Variants in NIPBL observed in about 807,000 individuals in gnomAD.
The protein encoded by NIPBL is NIPBL cohesin loading factor, also known as nipped-B-like protein.
In NIPBL, 19 loss-of-function variants were observed where a neutral mutation model predicts 321.8. The ratio of observed to expected loss-of-function variants is 0.06; its 90% CI spans 0.04 to 0.09. The LOEUF is 0.09. NIPBL is among the 10% of genes least tolerant of loss of function. The pLI, the probability that NIPBL is intolerant of heterozygous loss-of-function variation, is 1.00. For missense variants in NIPBL, 2,210 were observed against 3,327.0 expected (o/e 0.66, Z 8.26); for synonymous variants, 1,106 against 1,114.1 (o/e 0.99, Z 0.14).
chr5:37,053,431 CA>C (rs1753775143), intron 42 of NIPBL, among the ~76,000 whole-genome samples: 1 of 152,082 alleles, frequency 6.6e-6, no homozygotes, highest in Non-Finnish European at 1.5e-5. Context: ...CCAATACATA[CA>C]AACCTATGTT....
At chr5:37,048,774 G>A (rs1753223438) in intron 39 of NIPBL, 99 bp downstream of exon 39, 1 of 1,055,354 alleles carries the variant, frequency 9.5e-7, no homozygotes, top group African/African-American at 1.6e-5. Context: ...TTTGTTAGAT[G>A]AAGAAATTCA....
chr5:36,947,548 T>C (rs751282862), intron 1 of NIPBL, among the ~76,000 whole-genome samples: 1 of 152,078 alleles, frequency 6.6e-6, no homozygotes, highest in Non-Finnish European at 1.5e-5. Flanking sequence ...CTAAAGTGTT[T>C]ATGAATATAC....
At chr5:36,984,613 G>C in intron 9 of NIPBL, 63 bp from the exon 10 acceptor site, 1 of 1,435,942 alleles carries the variant, frequency 7.0e-7, no homozygotes, top group Non-Finnish European at 9.5e-7. Flanking sequence ...ACGTCCATAG[G>C]GTTTTTAATA....
intron 1 of NIPBL, among the ~76,000 whole-genome samples, chr5:36,880,364 G>A (rs1745411505): frequency 1.3e-5 from 2 of 152,018 alleles, no homozygotes; most frequent in Admixed American, 1.3e-4. Context: ...ATAAAAACCA[G>A]GAGTTTGAGT....
At chr5:36,962,389 G>C (rs1741723488) in intron 6 of NIPBL, 115 bp downstream of exon 6, 3 of 1,046,680 alleles carry the variant, frequency 2.9e-6, no homozygotes, top group Admixed American at 3.6e-5. Flanking sequence ...CTGTATACTT[G>C]TCAGTAAACC....
intron 1 of NIPBL, among the ~76,000 whole-genome samples, chr5:36,928,465 T>A (rs1749529110): frequency 6.6e-6 from 1 of 152,204 alleles, no homozygotes; most frequent in Non-Finnish European, 1.5e-5. Context: ...TAAAAAAATT[T>A]CTTAAGGAAA....
chr5:37,016,955 A>T, intron 23 of NIPBL, 64 bp from the exon 24 acceptor site: 2 of 1,129,158 alleles, frequency 1.8e-6, no homozygotes, highest in South Asian at 3.4e-5. Flanking sequence ...AATTTATATG[A>T]TAAATTGCTA....
intron 10 of NIPBL, 160 bp from the exon 11 acceptor site, chr5:36,995,458 CTATA>C (rs1325158760): frequency 1.0e-5 from 6 of 588,984 alleles, no homozygotes; most frequent in Non-Finnish European, 1.8e-5. Flanking sequence ...TATATATTAA[CTATA>C]TTGTCACTTT....
intron 30 of NIPBL, 113 bp downstream of exon 30, chr5:37,024,832 T>C: frequency 1.2e-6 from 1 of 826,352 alleles, no homozygotes; most frequent in Non-Finnish European, 1.9e-6. Flanking sequence ...ATGAATCGTT[T>C]ATAGTTTATA....
intron 1 of NIPBL, among the ~76,000 whole-genome samples, chr5:36,880,874 T>C (rs746966375): frequency 9.2e-5 from 14 of 152,188 alleles, no homozygotes; most frequent in Non-Finnish European, 1.8e-4. Flanking sequence ...GATGAAATAC[T>C]TGACACTTAA....
At chr5:36,893,987 T>G (rs961421961) in intron 1 of NIPBL, among the ~76,000 whole-genome samples, 1 of 152,176 alleles carries the variant, frequency 6.6e-6, no homozygotes, top group Non-Finnish European at 1.5e-5. Flanking sequence ...GTGTCTTATA[T>G]TTTAAAAGTT....
chr5:36,965,814 A>T (rs1742140114), intron 6 of NIPBL, among the ~76,000 whole-genome samples: 1 of 152,158 alleles, frequency 6.6e-6, no homozygotes, highest in East Asian at 1.9e-4. Context: ...ATAATAAAAC[A>T]TAATTTTATT....
chr5:36,897,327 C>T (rs553124737), intron 1 of NIPBL, among the ~76,000 whole-genome samples: 1 of 152,084 alleles, frequency 6.6e-6, no homozygotes, highest in Non-Finnish European at 1.5e-5. Context: ...AATTTTACTT[C>T]CAGATTGTTC....
At chr5:36,986,661 TTACAA>T (rs753176347) in intron 10 of NIPBL, among the ~76,000 whole-genome samples, 4 of 152,312 alleles carry the variant, frequency 2.6e-5, no homozygotes, top group Admixed American at 6.5e-5. Flanking sequence ...TAAAAATGTC[TTACAA>T]TACTACATTC....
chr5:36,986,934 T>C (rs80275082), intron 10 of NIPBL, among the ~76,000 whole-genome samples: 3,380 of 152,256 alleles, frequency 0.022, 126 homozygotes, highest in African/African-American at 0.078. Flanking sequence ...TCTGGTTACT[T>C]GAGTAAAATT....
At chr5:36,909,964 T>C (rs1186494273) in intron 1 of NIPBL, among the ~76,000 whole-genome samples, 1 of 151,856 alleles carries the variant, frequency 6.6e-6, no homozygotes, top group East Asian at 1.9e-4. Flanking sequence ...TAGTCCCAGC[T>C]ACTCGGGAGG....
At chr5:37,037,984 C>CTT (rs34425779) in intron 33 of NIPBL, among the ~76,000 whole-genome samples, 5 of 116,194 alleles carry the variant, frequency 4.3e-5, no homozygotes, top group East Asian at 2.4e-4. Context: ...TATTCACTTC[C>CTT]TTTTTTTTTT....
rs1031886184 is a variant in NIPBL, at chr5:36,877,048, C to G, written c.-210C>G. 11 of 359,206 alleles carry G rather than the reference C, an allele frequency of 3.1e-5. No individual in the cohort carries two copies. The highest frequency in any genetic ancestry group is 1.7e-4 in the African/African-American group (8 of 46,850). 22.3% of individuals were successfully genotyped at this position (359,206 alleles called of 1,614,324 possible). On this transcript the variant is annotated 5_prime_UTR_variant, in exon 1 of 47. Coordinates refer to ENST00000282516, the MANE Select transcript of NIPBL (RefSeq NM_133433.4). ...ATTTGTCTTCTCGGCTGGTCTCCCC[C>G]CGGCTCTACATGTTCCCCGCACTGA...
chr5:36,977,881 T>C lies in NIPBL; in HGVS notation c.1495+1479T>C, dbSNP rs115444229. 8.7e-3 allele frequency among the ~76,000 whole-genome samples: 1,317 copies of C among 152,016 alleles called. 16 individuals are homozygous for C. The highest frequency in any genetic ancestry group is 0.03 in the African/African-American group (1,254 of 41,514). On this transcript the variant is annotated intron_variant, in intron 9 of 46. Transcript: ENST00000282516. The stretch of plus-strand genomic sequence containing the variant: ...TGTTTCATTTTCTGTTTCTGCATTA[T>C]TTCACTTAGGGTAGATAATGGCCTC...
Sources: allele counts gnomAD v4.1 joint callset (sites outside exome capture counted in the v4.1 genomes callset), GRCh38; gene constraint gnomAD v4.1.1; transcripts MANE v1.5; gene names NCBI Gene and HGNC (gene_info 2026-07-23, HGNC 2026-07-21).